Variants in METTL24 observed in about 807,000 individuals in gnomAD.
The protein encoded by METTL24 is probable methyltransferase-like protein 24.
METTL24 carries 29 observed loss-of-function variants against 32.7 expected under a neutral mutation model. The observed-to-expected ratio is 0.89, with a 90% CI of 0.66 to 1.21. The LOEUF is 1.21. Among genes scored for constraint, METTL24 ranks in the 50% most tolerant of loss-of-function variants. The probability of loss-of-function intolerance (pLI) is 0.00; values close to 1 mark genes in which losing one functional copy is unlikely to be tolerated. For synonymous variants in METTL24, 163 were observed against 179.5 expected, an observed-to-expected ratio of 0.91 and a Z score of 0.73; for missense variants, 439 against 468.1, an observed-to-expected ratio of 0.94 and a Z score of 0.57.
intron 1 of METTL24, among the ~76,000 whole-genome samples, chr6:110,348,041 C>G (rs1772513879): frequency 6.6e-6 from 1 of 152,136 alleles, no homozygotes; most frequent in Non-Finnish European, 1.5e-5. Context: ...CTTTACCCAC[C>G]ACAAGCACAC....
At chr6:110,261,315 T>A (rs141460904) in intron 4 of METTL24, among the ~76,000 whole-genome samples, 5,551 of 152,158 alleles carry the variant, frequency 0.036, 372 homozygotes, top group African/African-American at 0.13. Context: ...AGGGTTGCAA[T>A]CCTAGTCTCT....
In METTL24 at chr6:110,271,584, T is replaced by A. The variant is rs568996041; in HGVS notation, c.787-25324A>T. Among the ~76,000 whole-genome samples, 4 of 152,306 alleles carry A rather than the reference T, an allele frequency of 2.6e-5. No homozygotes were observed. The East Asian group carries it at 7.7e-4, about 29-fold the overall frequency. On this transcript the variant is annotated intron_variant, in intron 4 of 4. Transcript: ENST00000338882. ...TGAAAATTTTCACCCACACATACAT[T>A]TGAACTTAAAACAGTTCACAGGGAA... is the stretch of plus-strand genomic sequence containing the variant.
intron 3 of METTL24, among the ~76,000 whole-genome samples, chr6:110,299,660 A>G (rs1030876881): frequency 6.6e-6 from 1 of 152,186 alleles, no homozygotes; most frequent in Non-Finnish European, 1.5e-5. Context: ...TGCAAATAAG[A>G]AAAAAGGCAA....
At chr6:110,272,668 G>C (rs1205545607) in intron 4 of METTL24, among the ~76,000 whole-genome samples, 1 of 152,136 alleles carries the variant, frequency 6.6e-6, no homozygotes, top group Non-Finnish European at 1.5e-5. Context: ...ATTCTTGCAG[G>C]AGTAAGGTGG....
At chr6:110,338,065 T>A (rs551173062) in intron 1 of METTL24, among the ~76,000 whole-genome samples, 1 of 152,352 alleles carries the variant, frequency 6.6e-6, no homozygotes, top group African/African-American at 2.4e-5. Flanking sequence ...GAACATGATA[T>A]AATCCTCAGG....
At chr6:110,266,725 C>T (rs1047255286) in intron 4 of METTL24, among the ~76,000 whole-genome samples, 2 of 152,114 alleles carry the variant, frequency 1.3e-5, no homozygotes, top group Admixed American at 1.3e-4. Context: ...GTTAGATGTC[C>T]TCTTCATCTA....
intron 1 of METTL24, among the ~76,000 whole-genome samples, chr6:110,352,513 T>C (rs1426196327): frequency 1.3e-5 from 2 of 152,222 alleles, no homozygotes; most frequent in Non-Finnish European, 2.9e-5. Context: ...TGGGTCTAGA[T>C]TATAAGGCTC....
At position 110,263,701 on chromosome 6, in the gene METTL24, C is replaced by T. The variant is rs558608938; in HGVS notation, c.787-17441G>A. Among the ~76,000 whole-genome samples the T allele has an allele frequency of 1.1e-3, 163 of 152,240 alleles. 1 individual carries two copies. Among genetic ancestry groups the T allele is most frequent in the African/African-American group, 3.6e-3 (150 of 41,542 alleles). On this transcript the variant is annotated intron_variant, in intron 4 of 4. Coordinates refer to ENST00000338882, the MANE Select transcript of METTL24 (RefSeq NM_001123364.3). The stretch of plus-strand genomic sequence containing the variant: ...CAAAAGAACAAAGCTGGAGGCGTCA[C>T]GCTACCTGACTTCAAACTATACTAC...
intron 4 of METTL24, chr6:110,253,917 T>A (rs1159402611): frequency 3.4e-6 from 5 of 1,471,646 alleles, no homozygotes; most frequent in Non-Finnish European, 4.5e-6. Flanking sequence ...CTGAAGGAGG[T>A]GACTGCAGGT....
intron 1 of METTL24, among the ~76,000 whole-genome samples, chr6:110,341,862 C>G (rs981958835): frequency 6.6e-6 from 1 of 152,200 alleles, no homozygotes; most frequent in Non-Finnish European, 1.5e-5. Flanking sequence ...ACAGAGCAAG[C>G]CTTTGTAGGC....
At chr6:110,352,708 G>C (rs1200434502) in intron 1 of METTL24, among the ~76,000 whole-genome samples, 2 of 151,862 alleles carry the variant, frequency 1.3e-5, no homozygotes, top group African/African-American at 4.8e-5. Context: ...TTCCTGCCTC[G>C]GTGTGTGTCC....
intron 4 of METTL24, among the ~76,000 whole-genome samples, chr6:110,286,171 G>A (rs1197489621): frequency 2.0e-5 from 3 of 152,140 alleles, no homozygotes; most frequent in Non-Finnish European, 4.4e-5. Context: ...GAGAGAGAGG[G>A]GATGCTGCAG....
intron 4 of METTL24, among the ~76,000 whole-genome samples, chr6:110,294,313 AT>A (rs1290839723): frequency 5.3e-5 from 8 of 152,004 alleles, no homozygotes; most frequent in Non-Finnish European, 1.2e-4. Context: ...GATAATAATA[AT>A]GTGGGCACCC....
At chr6:110,327,622 G>A (rs1772038404) in intron 1 of METTL24, among the ~76,000 whole-genome samples, 1 of 152,182 alleles carries the variant, frequency 6.6e-6, no homozygotes, top group Admixed American at 6.5e-5. Flanking sequence ...ACAGCAGTTT[G>A]TGATTATTTC....
At chr6:110,336,416 A>G (rs1330699300) in intron 1 of METTL24, among the ~76,000 whole-genome samples, 3 of 152,218 alleles carry the variant, frequency 2.0e-5, no homozygotes, top group African/African-American at 7.2e-5. Context: ...ATCCTGATTC[A>G]TGCAAGCACC....
At chr6:110,294,694 G>A (rs931301028) in intron 4 of METTL24, among the ~76,000 whole-genome samples, 8 of 151,782 alleles carry the variant, frequency 5.3e-5, no homozygotes, top group African/African-American at 1.7e-4. Context: ...TCAAAATAAT[G>A]GAAATAAAAG....
chr6:110,319,352 AT>A (rs2114751265), intron 2 of METTL24, among the ~76,000 whole-genome samples: 1 of 152,078 alleles, frequency 6.6e-6, no homozygotes, highest in South Asian at 2.1e-4. Context: ...TATCCAGAGC[AT>A]GGGTTCTTAT....
At chr6:110,281,069 C>A (rs1771127885) in intron 4 of METTL24, among the ~76,000 whole-genome samples, 2 of 152,118 alleles carry the variant, frequency 1.3e-5, no homozygotes, top group South Asian at 4.2e-4. Context: ...TGAACATATG[C>A]CACTTATGTG....
intron 4 of METTL24, among the ~76,000 whole-genome samples, chr6:110,285,287 C>T (rs78394330): frequency 0.013 from 2,003 of 152,312 alleles, 54 homozygotes; most frequent in African/African-American, 0.045. Context: ...TGTTGAATGC[C>T]ACTCCATGCT....
Sources: gnomAD v4.1 joint callset for allele counts (sites outside exome capture counted in the v4.1 genomes callset) on GRCh38, gnomAD v4.1.1 for gene constraint, MANE v1.5 for transcripts, NCBI Gene and HGNC (gene_info 2026-07-23, HGNC 2026-07-21) for gene names.